Variants in ERICH1 observed in about 807,000 individuals in gnomAD.
The protein encoded by ERICH1 is glutamate-rich protein 1.
In ERICH1, 56 loss-of-function variants were observed where a neutral mutation model predicts 39.6. The observed-to-expected ratio is 1.41, with a 90% CI of 1.14 to 1.77. The LOEUF is 1.77. Ranked by LOEUF, ERICH1 falls within the 40% of genes most tolerant of loss-of-function variation. The pLI is 0.00. For missense variants in ERICH1, 826 were observed against 575.4 expected, an observed-to-expected ratio of 1.44 and a Z score of -4.45; for synonymous variants, 313 against 223.6, an observed-to-expected ratio of 1.40 and a Z score of -3.57.
At chr8:730,989 TG>T in intron 1 of ERICH1, 150 bp downstream of exon 1, 1 of 840,836 alleles carries the variant, frequency 1.2e-6, no homozygotes, top group Non-Finnish European at 1.6e-6. Flanking sequence ...GAGCGGGGGA[TG>T]GGTAGGGACT....
chr8:640,794 T>G (rs1029446954), intron 3 of ERICH1: 1 of 152,208 alleles, frequency 6.6e-6, no homozygotes, highest in Non-Finnish European at 1.5e-5. Context: ...CAGCTGGGAC[T>G]GAAGATCTTC....
chr8:617,084 C>T (rs1796968882), intron 3 of ERICH1, among the ~76,000 whole-genome samples: 1 of 152,072 alleles, frequency 6.6e-6, no homozygotes, highest in African/African-American at 2.4e-5. Flanking sequence ...CCCAGCCCAC[C>T]CATGACTGTA....
At chr8:717,858 C>G (rs1816378581) in intron 1 of ERICH1, among the ~76,000 whole-genome samples, 1 of 152,222 alleles carries the variant, frequency 6.6e-6, no homozygotes, top group Non-Finnish European at 1.5e-5. Context: ...TGAGGCTGGG[C>G]AGGCACAAGA....
At chr8:629,791 G>C (rs1326337633) in intron 3 of ERICH1, among the ~76,000 whole-genome samples, 1 of 133,656 alleles carries the variant, frequency 7.5e-6, no homozygotes, top group Non-Finnish European at 1.5e-5. Flanking sequence ...CACGGACAGA[G>C]CTGACTCACA....
intron 2 of ERICH1, among the ~76,000 whole-genome samples, chr8:692,818 A>G (rs935853): frequency 6.6e-6 from 1 of 152,252 alleles, no homozygotes; most frequent in Non-Finnish European, 1.5e-5. Context: ...ACACCCAGCC[A>G]AGAAAAAGGA....
At chr8:710,668 C>T (rs73521176) in intron 2 of ERICH1, among the ~76,000 whole-genome samples, 3,001 of 152,326 alleles carry the variant, frequency 0.02, 122 homozygotes, top group African/African-American at 0.069. Context: ...TACTAATAAG[C>T]ATTTAAGGTC....
chr8:689,788 C>A (rs927442335), intron 3 of ERICH1, among the ~76,000 whole-genome samples: 2 of 152,172 alleles, frequency 1.3e-5, no homozygotes, highest in Non-Finnish European at 2.9e-5. Flanking sequence ...AGAAGACGGA[C>A]GTAAGCGGTA....
chr8:625,097 A>G (rs1386375220), intron 3 of ERICH1, among the ~76,000 whole-genome samples: 1 of 152,178 alleles, frequency 6.6e-6, no homozygotes, highest in Non-Finnish European at 1.5e-5. Flanking sequence ...TTCCACGCCC[A>G]TGATCCAATC....
At chr8:628,921 C>G (rs1019942783) in intron 3 of ERICH1, among the ~76,000 whole-genome samples, 44 of 152,170 alleles carry the variant, frequency 2.9e-4, no homozygotes, top group African/African-American at 8.9e-4. Context: ...CCCAGGACCA[C>G]CCCAGCTCAA....
chr8:654,465 G>A (rs1319964760), intron 3 of ERICH1, among the ~76,000 whole-genome samples: 1 of 152,160 alleles, frequency 6.6e-6, no homozygotes, highest in East Asian at 1.9e-4. Flanking sequence ...CTGGGTGTGG[G>A]TTACAGGGGT....
chr8:687,985 C>A (rs953328444), intron 3 of ERICH1, among the ~76,000 whole-genome samples: 1 of 152,142 alleles, frequency 6.6e-6, no homozygotes, highest in Non-Finnish European at 1.5e-5. Context: ...GAGACCTGCC[C>A]GGGTCCCGAG....
chr8:706,858 C>T (rs181228611), intron 2 of ERICH1, among the ~76,000 whole-genome samples: 6 of 152,244 alleles, frequency 3.9e-5, no homozygotes, highest in Non-Finnish European at 7.4e-5. Context: ...CTTAAATAAA[C>T]AAAAAGACAT....
intron 3 of ERICH1, among the ~76,000 whole-genome samples, chr8:638,752 T>C (rs926800752): frequency 6.6e-6 from 1 of 152,170 alleles, no homozygotes; most frequent in Non-Finnish European, 1.5e-5. Flanking sequence ...TGGTTATCCC[T>C]GAAGCCATTC....
chr8:614,792 C>T (rs1796835948), exon 4 of ERICH1: 1 of 163,512 alleles, frequency 6.1e-6, no homozygotes. Flanking sequence ...TGATGCCCGG[C>T]TCTGTGCCCG....
At chr8:709,500 C>T (rs1814211720) in intron 2 of ERICH1, among the ~76,000 whole-genome samples, 1 of 152,248 alleles carries the variant, frequency 6.6e-6, no homozygotes, top group South Asian at 2.1e-4. Context: ...ACCCAACCTT[C>T]TCATTTGCTC....
intron 1 of ERICH1, among the ~76,000 whole-genome samples, chr8:728,934 A>G (rs1198915901): frequency 6.6e-6 from 1 of 151,864 alleles, no homozygotes; most frequent in East Asian, 1.9e-4. Context: ...GAAAAAAAAA[A>G]TGCTTAGAAT....
At chr8:618,245 T>C (rs1463915968) in intron 3 of ERICH1, among the ~76,000 whole-genome samples, 2 of 151,942 alleles carry the variant, frequency 1.3e-5, no homozygotes, top group Admixed American at 6.6e-5. Flanking sequence ...TGCTCGGTAC[T>C]TGGTCCATCC....
intron 3 of ERICH1, among the ~76,000 whole-genome samples, chr8:632,807 T>C (rs62486195): frequency 0.015 from 2,308 of 152,262 alleles, 26 homozygotes; most frequent in Non-Finnish European, 0.022. Context: ...GGGGGACATT[T>C]GGCAATGTGT....
chr8:653,138 G>A (rs1017425267), intron 3 of ERICH1, among the ~76,000 whole-genome samples: 5 of 152,202 alleles, frequency 3.3e-5, no homozygotes, highest in Non-Finnish European at 7.3e-5. Flanking sequence ...AACTCAACAG[G>A]TGCTTGTACA....
Sources: gnomAD v4.1 joint callset for allele counts (sites outside exome capture counted in the v4.1 genomes callset) on GRCh38, gnomAD v4.1.1 for gene constraint, MANE v1.5 for transcripts, NCBI Gene and HGNC (gene_info 2026-07-23, HGNC 2026-07-21) for gene names.